Variants in IL1RAPL1 observed in about 807,000 individuals in gnomAD.
IL1RAPL1 encodes the protein interleukin 1 receptor accessory protein like 1.
Under a neutral mutation model 48.4 loss-of-function variants are expected in IL1RAPL1, and 3 were observed. The observed-to-expected ratio is 0.06, with a 90% CI of 0.03 to 0.16. The LOEUF (loss-of-function observed/expected upper bound fraction) is 0.16. IL1RAPL1 is among the 10% of genes least tolerant of loss of function. The pLI is 1.00. For synonymous variants in IL1RAPL1, 185 were observed against 187.7 expected, an observed-to-expected ratio of 0.99 and a Z score of 0.12; for missense variants, 349 against 530.6, an observed-to-expected ratio of 0.66 and a Z score of 3.36.
chrX:28,738,465 A>C (rs1277327328), intron 1 of IL1RAPL1, among the ~76,000 whole-genome samples: 1 of 111,286 alleles, frequency 9.0e-6, no homozygotes, highest in Non-Finnish European at 1.9e-5. Flanking sequence ...AAAAATTAAA[A>C]CTGGGGGAGA....
At chrX:28,771,144 A>G (rs1454609679) in intron 1 of IL1RAPL1, among the ~76,000 whole-genome samples, 1 of 111,876 alleles carries the variant, frequency 8.9e-6, no homozygotes, top group African/African-American at 3.2e-5. Flanking sequence ...AAAGGGCAGC[A>G]GGCTTTTTAA....
chrX:28,940,386 A>G (rs1299522077), intron 2 of IL1RAPL1, among the ~76,000 whole-genome samples: 5 of 111,606 alleles, frequency 4.5e-5, no homozygotes, highest in Non-Finnish European at 9.5e-5. Flanking sequence ...TGATTTAACC[A>G]GTGTAAATAA....
At chrX:29,737,074 ATT>A in intron 6 of IL1RAPL1, among the ~76,000 whole-genome samples, 1 of 112,202 alleles carries the variant, frequency 8.9e-6, no homozygotes, top group East Asian at 2.8e-4. Flanking sequence ...ATATTTTTGT[ATT>A]TTAAATGCAT....
In IL1RAPL1 at chrX:29,814,768, G is replaced by T. The variant is rs1036067793; in HGVS notation, c.779-102696G>T. Among the ~76,000 whole-genome samples the T allele has an allele frequency of 2.7e-5, 3 of 112,100 alleles. No individual in the cohort carries two copies. In the Admixed American group the frequency reaches 2.9e-4, roughly 11 times the overall value. ...AGTTAATTTTTCTATATGGTGAAAA[G>T]TAGGGATCCAGTTTCATTCTTCTGT... On this transcript the variant is annotated intron_variant, in intron 6 of 10. Coordinates refer to ENST00000378993, the MANE Select transcript of IL1RAPL1 (RefSeq NM_014271.4).
At chrX:29,905,322 C>T (rs1335277114) in intron 6 of IL1RAPL1, among the ~76,000 whole-genome samples, 1 of 110,945 alleles carries the variant, frequency 9.0e-6, no homozygotes, top group African/African-American at 3.3e-5. Flanking sequence ...GTTGCCTGTT[C>T]ACTCTAATAC....
intron 6 of IL1RAPL1, among the ~76,000 whole-genome samples, chrX:29,803,007 A>ATGTATATATGTT (rs1206603698): frequency 5.0e-5 from 2 of 39,716 alleles, no homozygotes; most frequent in African/African-American, 2.4e-4. Context: ...GTATGCATAT[A>ATGTATATATGTT]TACATATGTG....
intron 3 of IL1RAPL1, among the ~76,000 whole-genome samples, chrX:29,298,526 G>T (rs1042505716): frequency 3.0e-4 from 34 of 111,895 alleles, no homozygotes; most frequent in Admixed American, 2.1e-3. Context: ...TGAAATCTCA[G>T]AATAGCATTT....
chrX:28,946,521 A>G (rs1449376825), intron 2 of IL1RAPL1, among the ~76,000 whole-genome samples: 1 of 111,444 alleles, frequency 9.0e-6, no homozygotes, highest in Non-Finnish European at 1.9e-5. Flanking sequence ...AAACCACTCC[A>G]GAGACTGCCT....
At chrX:29,583,874 T>G (rs988502006) in intron 5 of IL1RAPL1, among the ~76,000 whole-genome samples, 2 of 111,675 alleles carry the variant, frequency 1.8e-5, no homozygotes, top group African/African-American at 6.5e-5. Context: ...GCAGAAAATT[T>G]ATGGGAAAGG....
chrX:29,304,900 T>TA, intron 3 of IL1RAPL1, among the ~76,000 whole-genome samples: 1 of 112,254 alleles, frequency 8.9e-6, no homozygotes, highest in African/African-American at 3.2e-5. Context: ...GGCATGCATG[T>TA]GTACAAGCAA....
At chrX:28,974,168 C>A (rs1925150709) in intron 2 of IL1RAPL1, among the ~76,000 whole-genome samples, 1 of 111,774 alleles carries the variant, frequency 8.9e-6, no homozygotes, top group Admixed American at 9.5e-5. Flanking sequence ...TGACTCCTGG[C>A]TTCCCCCATA....
At chrX:29,807,014 A>G (rs1259401714) in intron 6 of IL1RAPL1, among the ~76,000 whole-genome samples, 1 of 111,044 alleles carries the variant, frequency 9.0e-6, no homozygotes, top group South Asian at 3.8e-4. Context: ...AGAAGCAGTC[A>G]TGCATACTGT....
At chrX:28,600,699 A>G (rs1273807820) in intron 1 of IL1RAPL1, among the ~76,000 whole-genome samples, 5 of 111,856 alleles carry the variant, frequency 4.5e-5, no homozygotes, top group African/African-American at 9.8e-5. Context: ...TTACTGGTAC[A>G]GAACAGACAG....
Position 28,596,760 on chromosome X carries a change from A to G in IL1RAPL1, c.-25+8713A>G, listed in dbSNP as rs182536773. 4.8e-3 allele frequency among the ~76,000 whole-genome samples: 540 copies of G among 111,860 alleles called. 6 individuals carry two copies. The highest frequency in any genetic ancestry group is 0.017 in the African/African-American group (515 of 30,828). On this transcript the variant is annotated intron_variant, in intron 1 of 10. Coordinates refer to ENST00000378993, the MANE Select transcript of IL1RAPL1 (RefSeq NM_014271.4). ...GTTGTTACATTGTATTTTTATTTGT[A>G]TTATTTTTAATTATTTTGTTGTTCT... is the stretch of plus-strand genomic sequence containing the variant.
intron 6 of IL1RAPL1, among the ~76,000 whole-genome samples, chrX:29,693,136 A>G (rs113184539): frequency 8.0e-5 from 9 of 112,264 alleles, no homozygotes; most frequent in African/African-American, 2.9e-4. Context: ...AGGGAAATCA[A>G]TAGCTACCTT....
chrX:29,637,625 G>A (rs1421241772), intron 5 of IL1RAPL1, among the ~76,000 whole-genome samples: 1 of 111,020 alleles, frequency 9.0e-6, no homozygotes, highest in Non-Finnish European at 1.9e-5. Context: ...ATCTCTTTAA[G>A]CCAAACATCT....
chrX:29,903,456 C>T (rs1932539348), intron 6 of IL1RAPL1, among the ~76,000 whole-genome samples: 1 of 111,040 alleles, frequency 9.0e-6, no homozygotes, highest in African/African-American at 3.3e-5. Context: ...CTCACTGTTT[C>T]CTAATTGCAA....
intron 2 of IL1RAPL1, among the ~76,000 whole-genome samples, chrX:29,243,661 T>C (rs747035353): frequency 9.0e-6 from 1 of 111,727 alleles, no homozygotes; most frequent in Non-Finnish European, 1.9e-5. Context: ...AAAGTAATGA[T>C]TACTTTTTCT....
At chrX:29,498,952 A>G (rs1353968253) in intron 5 of IL1RAPL1, among the ~76,000 whole-genome samples, 1 of 112,380 alleles carries the variant, frequency 8.9e-6, no homozygotes, top group East Asian at 2.8e-4. Context: ...AATAGCAGCA[A>G]TAAATTCAGA....
Sources: allele counts gnomAD v4.1 joint callset (sites outside exome capture counted in the v4.1 genomes callset), GRCh38; gene constraint gnomAD v4.1.1; transcripts MANE v1.5; gene names NCBI Gene and HGNC (gene_info 2026-07-23, HGNC 2026-07-21).